MFHAS1: variants seen among roughly 807,000 people sequenced by gnomAD.
MFHAS1 encodes malignant fibrous histiocytoma-amplified sequence 1.
A neutral mutation model predicts 70.4 loss-of-function variants in MFHAS1; 50 were observed. The ratio of observed to expected loss-of-function variants is 0.71; its 90% CI spans 0.57 to 0.90. The LOEUF (loss-of-function observed/expected upper bound fraction) is 0.90, where lower values mean the gene tolerates loss of function less well. Among genes scored for constraint, MFHAS1 ranks in the 40% least tolerant of loss-of-function variants. MFHAS1 has a pLI of 0.00. For missense variants in MFHAS1, 1,795 were observed against 1,347.6 expected, an observed-to-expected ratio of 1.33 and a Z score of -5.20; for synonymous variants, 952 against 620.0, an observed-to-expected ratio of 1.54 and a Z score of -7.96.
chr8:8,802,603 T>C (rs1806119835), intron 1 of MFHAS1, among the ~76,000 whole-genome samples: 1 of 152,204 alleles, frequency 6.6e-6, no homozygotes, highest in African/African-American at 2.4e-5. Flanking sequence ...CCTTATAAGC[T>C]ACCCAGTTAC....
chr8:8,823,980 A>T (rs760530255), intron 1 of MFHAS1, among the ~76,000 whole-genome samples: 55 of 145,136 alleles, frequency 3.8e-4, no homozygotes, highest in Non-Finnish European at 2.5e-4. Context: ...GGGAAATCAT[A>T]TAAAAATAGG....
intron 1 of MFHAS1, among the ~76,000 whole-genome samples, chr8:8,858,134 G>C (rs1239528963): frequency 6.6e-6 from 1 of 152,140 alleles, no homozygotes; most frequent in Non-Finnish European, 1.5e-5. Context: ...AACAGAAATT[G>C]GGACGGAGCA....
intron 1 of MFHAS1, among the ~76,000 whole-genome samples, chr8:8,862,069 G>C (rs1184485116): frequency 6.6e-6 from 1 of 152,178 alleles, no homozygotes; most frequent in African/African-American, 2.4e-5. Flanking sequence ...TGCTGAGTTA[G>C]CTAGTAAACA....
At chr8:8,835,578 C>G (rs1470868450) in intron 1 of MFHAS1, among the ~76,000 whole-genome samples, 1 of 152,172 alleles carries the variant, frequency 6.6e-6, no homozygotes, top group African/African-American at 2.4e-5. Context: ...ATATAATGAT[C>G]TTTTATGTGA....
intron 1 of MFHAS1, among the ~76,000 whole-genome samples, chr8:8,808,703 T>G (rs1366525017): frequency 1.3e-5 from 2 of 152,200 alleles, no homozygotes; most frequent in African/African-American, 4.8e-5. Context: ...GCTAAGTGCT[T>G]AGTTAAGATG....
chr8:8,785,008 G>C lies in MFHAS1; in HGVS notation c.*1014C>G, dbSNP rs917515247. The C allele has an allele frequency of 2.4e-4, 36 of 152,180 alleles. No homozygotes were observed. Among genetic ancestry groups the C allele is most frequent in the African/African-American group, 8.2e-4 (34 of 41,420 alleles). 9.4% of individuals were successfully genotyped at this position (152,180 alleles called of 1,614,324 possible). ...AAATTCACAACCTTAAGATCTGACA[G>C]CCAGATGTGGAAGGTCTACAAAGAG... On this transcript the variant is annotated 3_prime_UTR_variant, in exon 3 of 3. Transcript: ENST00000276282.
At chr8:8,848,919 G>A (rs1041216844) in intron 1 of MFHAS1, among the ~76,000 whole-genome samples, 1 of 152,174 alleles carries the variant, frequency 6.6e-6, no homozygotes, top group African/African-American at 2.4e-5. Flanking sequence ...AAGGTAGGAA[G>A]AGGGATTTAC....
rs1809960030 is a variant in MFHAS1, at chr8:8,890,585, T to C, written c.2474A>G (p.Glu825Gly). The stretch of plus-strand genomic sequence containing the variant: ...GAGGCAGTAACAGAGTCCCATCTTC[T>C]CCAGCAGCTCCAGCAACAGCTGCAA... Reference protein sequence around the residue: ...QDLQLLLELLEKMGLCYCLNK... With the variant: ...QDLQLLLELLGKMGLCYCLNK... The change falls in exon 1 of 3, where the codon GAG becomes GGG. Residue 825 changes from glutamate (E) to glycine (G), a missense_variant. By Grantham distance (98) the Glu-to-Gly change is moderately conservative (BLOSUM62 -2). Transcript: ENST00000276282. 3 of 1,613,774 alleles carry C rather than the reference T, an allele frequency of 1.9e-6. No individual in the cohort carries two copies. Among genetic ancestry groups the C allele is most frequent in the Non-Finnish European group, 2.5e-6 (3 of 1,180,018 alleles).
chr8:8,836,141 T>G (rs1467396885), intron 1 of MFHAS1, among the ~76,000 whole-genome samples: 1 of 152,148 alleles, frequency 6.6e-6, no homozygotes, highest in South Asian at 2.1e-4. Flanking sequence ...AACACCTCAG[T>G]GATGTTATTT....
At chr8:8,881,459 G>A (rs1709251687) in intron 1 of MFHAS1, among the ~76,000 whole-genome samples, 1 of 152,150 alleles carries the variant, frequency 6.6e-6, no homozygotes, top group Admixed American at 6.5e-5. Context: ...CACTTTCCGG[G>A]AACCACTGAA....
chr8:8,835,284 A>T (rs1383021360), intron 1 of MFHAS1, among the ~76,000 whole-genome samples: 1 of 152,196 alleles, frequency 6.6e-6, no homozygotes, highest in Non-Finnish European at 1.5e-5. Context: ...ACTGTATATA[A>T]ATTATACCTT....
intron 1 of MFHAS1, among the ~76,000 whole-genome samples, chr8:8,800,658 C>A (rs1318735020): frequency 3.3e-5 from 5 of 152,214 alleles, no homozygotes; most frequent in Admixed American, 3.3e-4. Flanking sequence ...GCCTGCTTAT[C>A]TTCAAGTTCT....
chr8:8,812,647 C>A (rs1047599566), intron 1 of MFHAS1, among the ~76,000 whole-genome samples: 1 of 152,108 alleles, frequency 6.6e-6, no homozygotes, highest in South Asian at 2.1e-4. Flanking sequence ...GTGACACTGT[C>A]TTGGCGGGAA....
At position 8,797,418 on chromosome 8, in the gene MFHAS1, T is replaced by C. The variant is rs2117258492; in HGVS notation, c.3072A>G (p.Val1024=). 1 of 1,614,144 alleles carries C rather than the reference T, an allele frequency of 6.2e-7. No individual in the cohort carries two copies. The highest frequency in any genetic ancestry group is 8.5e-7 in the Non-Finnish European group (1 of 1,180,010). The stretch of plus-strand genomic sequence containing the variant: ...TGGGTGGGTAAACCAAGGCAACATT[T>C]ACTCGCTCGCTGCCGTTCTTGGGGC... ...IICPKNGSER[V]NVALVYPPTP... is the part of the protein sequence containing the mutation. Residue 1024 remains valine (V), a synonymous_variant, in exon 2 of 3, where the codon GTA becomes GTG. Transcript: ENST00000276282.
At position 8,784,676 on chromosome 8, in the gene MFHAS1, T is replaced by C. The variant is rs956356101; in HGVS notation, c.*1346A>G. On this transcript the variant is annotated 3_prime_UTR_variant, in exon 3 of 3. Transcript: ENST00000276282. ...AGTAGCGAGTACCAGCAACTCACTC[T>C]TCTTGTCTGAGGCTGGCGAGAAGCA... The C allele has an allele frequency of 1.3e-5, 2 of 152,208 alleles. No individual in the cohort carries two copies. Among genetic ancestry groups the C allele is most frequent in the African/African-American group, 4.8e-5 (2 of 41,460 alleles). The allele number at this position is 152,208 out of a possible 1,614,324, so 9.4% of individuals were successfully genotyped here.
chr8:8,868,109 G>C (rs1293770869), intron 1 of MFHAS1, among the ~76,000 whole-genome samples: 1 of 151,896 alleles, frequency 6.6e-6, no homozygotes, highest in South Asian at 2.1e-4. Flanking sequence ...CCATTTTCTA[G>C]ACCAAGTTCC....
chr8:8,790,286 C>T, intron 2 of MFHAS1: 1 of 753,220 alleles, frequency 1.3e-6, no homozygotes, highest in Non-Finnish European at 1.6e-6. Flanking sequence ...GAGGGCCTTA[C>T]CTATTTAAGA....
chr8:8,807,239 A>G (rs891085654), intron 1 of MFHAS1, among the ~76,000 whole-genome samples: 1 of 152,152 alleles, frequency 6.6e-6, no homozygotes, highest in African/African-American at 2.4e-5. Flanking sequence ...AATGCTTTCT[A>G]TGCCCTCCCT....
intron 1 of MFHAS1, among the ~76,000 whole-genome samples, chr8:8,838,540 C>T (rs185221336): frequency 3.3e-5 from 5 of 152,286 alleles, no homozygotes; most frequent in East Asian, 1.9e-4. Flanking sequence ...CAGCTGGGCA[C>T]GTTGGCTCAT....
Sources: allele counts gnomAD v4.1 joint callset (sites outside exome capture counted in the v4.1 genomes callset), GRCh38; gene constraint gnomAD v4.1.1; transcripts MANE v1.5; gene names NCBI Gene and HGNC (gene_info 2026-07-23, HGNC 2026-07-21).